Variants in DNAH7 observed in about 807,000 individuals in gnomAD.
DNAH7 encodes dynein axonemal heavy chain 7, also known as axonemal beta dynein heavy chain 7.
Under a neutral mutation model 444.6 loss-of-function variants are expected in DNAH7, and 397 were observed. That is an observed-to-expected ratio of 0.89 (90% CI 0.82 to 0.97). The LOEUF (loss-of-function observed/expected upper bound fraction) is 0.97, where lower values mean the gene tolerates loss of function less well. Ranked by LOEUF, DNAH7 falls within the 50% of genes least tolerant of loss-of-function variation. The pLI is 0.00. For missense variants in DNAH7, 4,902 were observed against 4,800.8 expected (o/e 1.02, Z -0.62); for synonymous variants, 1,636 against 1,624.4 (o/e 1.01, Z -0.17).
chr2:195,829,791 G>A (rs1697971378), intron 48 of DNAH7, among the ~76,000 whole-genome samples: 1 of 151,776 alleles, frequency 6.6e-6, no homozygotes, highest in East Asian at 1.9e-4. Flanking sequence ...TTACAGACTT[G>A]ATTCTTTTCC....
rs756222394 is a variant in DNAH7 at position 195,756,282 on chromosome 2, G to C, written c.11437C>G (p.Leu3813Val). ...TCAAGATCTGTAGACATGACTGCAA[G>C]CCCCTGAAACACATTTAACCTTGGT... is the stretch of plus-strand genomic sequence containing the variant. ...CVNIQKAIKG[L>V]AVMSTDLEEV... The change falls in exon 62 of 65, where the codon CTT (leucine) becomes GTT (valine). Residue 3813 changes from leucine to valine, a missense_variant. Leu to Val is a conservative substitution (Grantham distance 32). Transcript: ENST00000312428. 1.9e-6 allele frequency: 3 copies of C among 1,606,742 alleles called. No homozygotes were observed. The East Asian group carries it at 6.7e-5, about 36-fold the overall frequency.
At chr2:195,879,688 GTTTA>G (rs1455547777) in intron 36 of DNAH7, among the ~76,000 whole-genome samples, 6 of 151,922 alleles carry the variant, frequency 3.9e-5, no homozygotes, top group Non-Finnish European at 7.4e-5. Flanking sequence ...CTACTTGTTT[GTTTA>G]TTCAATTTAA....
rs1694078318 is a variant in DNAH7, at chr2:195,756,471, T to G, written c.11434-186A>C. Among the ~76,000 whole-genome samples, 3 of 152,262 alleles carry G rather than the reference T, an allele frequency of 2.0e-5. No homozygotes were observed. In the South Asian group the frequency reaches 6.2e-4, roughly 32 times the overall value. On this transcript the variant is annotated intron_variant, in intron 61 of 64. Transcript: ENST00000312428. ...CCTTACAAGTAGGCCAGGGAGTCTT[T>G]GAATTATTCCTTAGAAAAATATTAA... is the stretch of plus-strand genomic sequence containing the variant.
chr2:195,917,560 C>T (rs1358484513), intron 24 of DNAH7, among the ~76,000 whole-genome samples: 1 of 152,216 alleles, frequency 6.6e-6, no homozygotes, highest in Non-Finnish European at 1.5e-5. Flanking sequence ...TTTGTTTCTG[C>T]TTCAGAGCTT....
chr2:195,930,943 C>A (rs1039042311), intron 21 of DNAH7, among the ~76,000 whole-genome samples: 3 of 152,074 alleles, frequency 2.0e-5, no homozygotes, highest in South Asian at 2.1e-4. Flanking sequence ...AAATACCACA[C>A]GTTCCCACTT....
At chr2:195,754,653 G>A in intron 62 of DNAH7, 139 bp from the exon 63 acceptor site, 1 of 759,884 alleles carries the variant, frequency 1.3e-6, no homozygotes, top group East Asian at 2.8e-5. Context: ...TGGGAATACA[G>A]GCACATACCA....
intron 19 of DNAH7, among the ~76,000 whole-genome samples, chr2:195,954,992 G>A (rs1428927146): frequency 4.6e-5 from 7 of 152,150 alleles, no homozygotes; most frequent in African/African-American, 1.7e-4. Context: ...CACTCTGATG[G>A]TAGTTTCTTT....
intron 45 of DNAH7, 97 bp from the exon 46 acceptor site, chr2:195,853,625 T>G: frequency 8.0e-7 from 1 of 1,244,648 alleles, no homozygotes; most frequent in Non-Finnish European, 1.1e-6. Context: ...TTATTTTTAA[T>G]GACAGACTTC....
At chr2:195,958,324 A>G (rs1247212411) in intron 18 of DNAH7, among the ~76,000 whole-genome samples, 1 of 152,170 alleles carries the variant, frequency 6.6e-6, no homozygotes, top group African/African-American at 2.4e-5. Flanking sequence ...TATTTTTCTC[A>G]TGATTTTCTT....
At chr2:195,948,260 T>C (rs968143529) in intron 19 of DNAH7, among the ~76,000 whole-genome samples, 6 of 152,222 alleles carry the variant, frequency 3.9e-5, no homozygotes, top group Non-Finnish European at 7.3e-5. Flanking sequence ...ACTCTGATGA[T>C]AGTTTATTTT....
intron 62 of DNAH7, 40 bp downstream of exon 62, chr2:195,756,093 G>C (rs1377211402): frequency 3.5e-5 from 55 of 1,549,724 alleles, no homozygotes; most frequent in Non-Finnish European, 4.5e-5. Flanking sequence ...AATGAAACCA[G>C]GAGAAACTTA....
chr2:195,914,131 A>G (rs1168263153), intron 24 of DNAH7, among the ~76,000 whole-genome samples: 1 of 152,180 alleles, frequency 6.6e-6, no homozygotes, highest in Non-Finnish European at 1.5e-5. Flanking sequence ...TTTACCTCTA[A>G]TATTTCACTC....
intron 58 of DNAH7, among the ~76,000 whole-genome samples, chr2:195,780,785 T>A (rs1367977222): frequency 6.6e-6 from 1 of 151,872 alleles, no homozygotes; most frequent in Non-Finnish European, 1.5e-5. Context: ...AATATATATA[T>A]TTTTATACTA....
intron 12 of DNAH7, among the ~76,000 whole-genome samples, chr2:195,997,178 A>T (rs897236327): frequency 1.1e-4 from 16 of 152,160 alleles, no homozygotes; most frequent in African/African-American, 3.9e-4. Flanking sequence ...TTACCTTTCT[A>T]AGCAGAATCG....
chr2:195,970,076 C>T lies in DNAH7; in HGVS notation c.2077G>A (p.Val693Met). The T allele has an allele frequency of 6.2e-7, 1 of 1,611,014 alleles. No individual in the cohort carries two copies. The highest frequency in any genetic ancestry group is 8.5e-7 in the Non-Finnish European group (1 of 1,179,112). The change falls in exon 17 of 65, where the codon GTG becomes ATG. Residue 693 changes from valine to methionine, a missense_variant. Coordinates refer to ENST00000312428, the MANE Select transcript of DNAH7 (RefSeq NM_018897.3). ...TTAGCATAACTCTCCAATTCCTCCA[C>T]AAACCGTTCACACCGTAACTAATAA... Reference protein sequence around the residue: ...EGLKLRCERFVEELESYAKQS... With the variant: ...EGLKLRCERFMEELESYAKQS...
In DNAH7 at chr2:195,876,589, G is replaced by A; in HGVS notation, c.6072C>T (p.Asp2024=). ...QTQNIVMSKL[D]KRRKGVFGPP... Reference sequence around the variant, plus strand: ...GACCAAAAACTCCCTTTCTTCTCTTGTCCAATTTTGACATGACAATATTCT... The same window carrying A: ...GACCAAAAACTCCCTTTCTTCTCTTATCCAATTTTGACATGACAATATTCT... The change falls in exon 37 of 65, where the codon GAC becomes GAT. Residue 2024 remains aspartate, a synonymous_variant. Coordinates refer to ENST00000312428, the MANE Select transcript of DNAH7 (RefSeq NM_018897.3). 1 of 1,613,744 alleles carries A rather than the reference G, an allele frequency of 6.2e-7. No individual in the cohort carries two copies. The highest frequency in any genetic ancestry group is 8.5e-7 in the Non-Finnish European group (1 of 1,179,860).
At chr2:196,006,618 G>C (rs988637911) in intron 10 of DNAH7, among the ~76,000 whole-genome samples, 1 of 150,760 alleles carries the variant, frequency 6.6e-6, no homozygotes, top group African/African-American at 2.4e-5. Context: ...GTCTCTATTT[G>C]CAGATGATAT....
chr2:195,762,158 G>A (rs7565566), intron 61 of DNAH7, among the ~76,000 whole-genome samples: 26 of 152,016 alleles, frequency 1.7e-4, no homozygotes, highest in African/African-American at 6.3e-4. Flanking sequence ...TTATGCAATC[G>A]GTTTTAAATT....
intron 3 of DNAH7, among the ~76,000 whole-genome samples, chr2:196,049,867 A>G (rs1278759705): frequency 1.3e-5 from 2 of 152,244 alleles, no homozygotes; most frequent in Non-Finnish European, 2.9e-5. Context: ...AATCTGCAAC[A>G]AACTAAAAAA....
Sources: allele counts gnomAD v4.1 joint callset (sites outside exome capture counted in the v4.1 genomes callset), GRCh38; gene constraint gnomAD v4.1.1; transcripts MANE v1.5; gene names NCBI Gene and HGNC (gene_info 2026-07-23, HGNC 2026-07-21).